Variants in TOX4 observed in about 807,000 individuals in gnomAD.
TOX4 encodes the protein TOX high mobility group box family member 4.
In TOX4, 12 loss-of-function variants were observed where a neutral mutation model predicts 61.0. The observed-to-expected ratio is 0.20, with a 90% CI of 0.13 to 0.32. The LOEUF is 0.32. TOX4 is among the 10% of genes least tolerant of loss of function. The pLI is 1.00. For synonymous variants in TOX4, 268 were observed against 274.8 expected, an observed-to-expected ratio of 0.98 and a Z score of 0.24; for missense variants, 499 against 753.3, an observed-to-expected ratio of 0.66 and a Z score of 3.95.
Position 21,495,274 on chromosome 14 carries a change from C to T in TOX4, c.1687C>T (p.Pro563Ser). Residue 563 changes from proline (P) to serine (S), a missense_variant, in exon 8 of 9, where the codon CCT (proline) becomes TCT (serine). Physicochemically the swap from Pro to Ser is moderately conservative, Grantham distance 74. Coordinates refer to ENST00000448790, the MANE Select transcript of TOX4 (RefSeq NM_014828.4). ...GGATGTTGAATTGGTGAGTGGGTCT[C>T]CTGTGGCACTCTCACCCCAGCCTCG... ...QMDVELVSGS[P>S]VALSPQPRCV... 1.9e-6 allele frequency: 3 copies of T among 1,614,118 alleles called. No individual in the cohort carries two copies.
rs1891317966 is a variant in TOX4, at chr14:21,492,693, T to C, written c.1077T>C (p.Ala359=). ...SYVANQASSG[A]GGQPNITKLI... is the part of the protein sequence containing the mutation. ...TGGCAAACCAGGCATCTTCTGGAGCTGGGGGTCAGCCCAATATCACCAAGT... is the reference window on the plus strand; with the variant it reads ...TGGCAAACCAGGCATCTTCTGGAGCCGGGGGTCAGCCCAATATCACCAAGT... Residue 359 remains alanine (A), a synonymous_variant, in exon 7 of 9, where the codon GCT becomes GCC. Coordinates refer to ENST00000448790, the MANE Select transcript of TOX4 (RefSeq NM_014828.4). The C allele has an allele frequency of 1.2e-6, 2 of 1,614,028 alleles. No individual in the cohort carries two copies. The highest frequency in any genetic ancestry group is 2.2e-5 in the South Asian group (2 of 91,086).
intron 7 of TOX4, 113 bp downstream of exon 7, chr14:21,493,370 A>G: frequency 2.5e-6 from 3 of 1,213,470 alleles, no homozygotes; most frequent in Non-Finnish European, 3.4e-6. Flanking sequence ...AACCAGGAGC[A>G]CAAAACATCC....
Position 21,497,984 on chromosome 14 carries a change from A to G in TOX4, c.*1378A>G, listed in dbSNP as rs1039474303. ...AGGTGTGAGCCACTGTGCCTAGCCT[A>G]TAATGATCATTTTAATGTTTCCCAT... is the stretch of plus-strand genomic sequence containing the variant. On this transcript the variant is annotated 3_prime_UTR_variant, in exon 9 of 9. Transcript: ENST00000448790. 18 of 383,128 alleles carry G rather than the reference A, an allele frequency of 4.7e-5. No homozygotes were observed. Among genetic ancestry groups the G allele is most frequent in the Non-Finnish European group, 7.2e-5 (15 of 208,144 alleles). 23.7% of individuals were successfully genotyped at this position (383,128 alleles called of 1,614,324 possible).
At chr14:21,477,961 G>C (rs1891031813) in intron 2 of TOX4, among the ~76,000 whole-genome samples, 1 of 152,224 alleles carries the variant, frequency 6.6e-6, no homozygotes, top group African/African-American at 2.4e-5. Flanking sequence ...TTTTGAGACA[G>C]AGTCTCGCTT....
chr14:21,489,114 T>C, intron 4 of TOX4, 59 bp from the exon 5 acceptor site: 1 of 1,543,278 alleles, frequency 6.5e-7, no homozygotes, highest in South Asian at 1.2e-5. Flanking sequence ...GTGGCTAGTT[T>C]CCAGACATAA....
intron 3 of TOX4, 123 bp from the exon 4 acceptor site, chr14:21,488,465 TTA>T: frequency 2.2e-6 from 2 of 923,540 alleles, no homozygotes; most frequent in Non-Finnish European, 1.6e-6. Flanking sequence ...GAAGACTATT[TTA>T]TGTTTTGTAT....
chr14:21,487,593 T>C lies in TOX4; in HGVS notation c.218T>C (p.Phe73Ser). Reference protein sequence around the residue: ...ADPSSSQDGSFSAQYGVQTLD... With the variant: ...ADPSSSQDGSSSAQYGVQTLD... ...CCTTCCTCTTCACAGGATGGCAGTT[T>C]TTCAGCCCAGTATGGGGTCCAGACA... The change falls in exon 3 of 9, where the codon TTT (phenylalanine) becomes TCT (serine). Residue 73 changes from phenylalanine to serine, a missense_variant. Phe to Ser is a radical substitution (Grantham distance 155). Coordinates refer to ENST00000448790, the MANE Select transcript of TOX4 (RefSeq NM_014828.4). The C allele has an allele frequency of 6.2e-7, 1 of 1,614,150 alleles. No homozygotes were observed. The highest frequency in any genetic ancestry group is 2.2e-5 in the East Asian group (1 of 44,878).
intron 5 of TOX4, 74 bp downstream of exon 5, chr14:21,489,477 T>C: frequency 7.7e-7 from 1 of 1,292,098 alleles, no homozygotes; most frequent in Non-Finnish European, 1.1e-6. Context: ...GGTTTTCTTT[T>C]TTCTTACATG....
At chr14:21,477,633 A>C in intron 2 of TOX4, 69 bp downstream of exon 2, 2 of 1,554,318 alleles carry the variant, frequency 1.3e-6, no homozygotes, top group Non-Finnish European at 1.8e-6. Flanking sequence ...AGTGGGGAGG[A>C]GAGCACGGAC....
In TOX4 at chr14:21,489,149, TTC is replaced by T. The variant is rs763268670; in HGVS notation, c.580-18_580-17del. ...ATACTTGTCATTGTCCATTGTGTAATTCTCTCTTTTTTCTCTCCTACAGCAAC... is the reference window on the plus strand; with the variant it reads ...ATACTTGTCATTGTCCATTGTGTAATTCTCTTTTTTCTCTCCTACAGCAAC... On this transcript the variant is annotated intron_variant, in intron 4 of 8. Coordinates refer to ENST00000448790, the MANE Select transcript of TOX4 (RefSeq NM_014828.4). 87 of 1,606,298 alleles carry T rather than the reference TTC, an allele frequency of 5.4e-5. No individual in the cohort carries two copies. In the Admixed American group the frequency reaches 6.5e-4, roughly 12 times the overall value.
chr14:21,492,894 AGCAGCAGCTGCT>A lies in TOX4; in HGVS notation c.1281_1292del (p.Ala431_Ala434del). 1.2e-6 allele frequency: 2 copies of A among 1,605,780 alleles called. No individual in the cohort carries two copies. The highest frequency in any genetic ancestry group is 1.7e-6 in the Non-Finnish European group (2 of 1,177,970). Reference sequence around the variant, plus strand: ...TTGTCACTCGGTCAGTGTTGCAGGCAGCAGCAGCTGCTGCTGCTGCTGCTTCTATGCAACTGC... The same window carrying A: ...TTGTCACTCGGTCAGTGTTGCAGGCAGCTGCTGCTGCTTCTATGCAACTGC... On this transcript the variant is annotated inframe_deletion, in exon 7 of 9. Transcript: ENST00000448790.
Position 21,497,739 on chromosome 14 carries a change from G to C in TOX4, c.*1133G>C, listed in dbSNP as rs907247598. 2 of 152,274 alleles carry C rather than the reference G, an allele frequency of 1.3e-5. No homozygotes were observed. Among genetic ancestry groups the C allele is most frequent in the African/African-American group, 4.8e-5 (2 of 41,382 alleles). The allele number at this position is 152,274 out of a possible 1,614,324, so 9.4% of individuals were successfully genotyped here. ...AGACAGGGTTTCACCATGTTGGCCA[G>C]GCTGGTCTCGAACTCCTGACCTCAT... On this transcript the variant is annotated 3_prime_UTR_variant, in exon 9 of 9. Transcript: ENST00000448790.
At chr14:21,491,784 GGCGGATCACAAGGTCA>G (rs1891295941) in intron 5 of TOX4, among the ~76,000 whole-genome samples, 1 of 151,494 alleles carries the variant, frequency 6.6e-6, no homozygotes, top group Non-Finnish European at 1.5e-5. Flanking sequence ...GGCAGAGGCA[GGCGGATCACAAGGTCA>G]GGAGATCGAG....
intron 8 of TOX4, 87 bp downstream of exon 8, chr14:21,495,479 T>G: frequency 1.3e-6 from 2 of 1,487,848 alleles, no homozygotes; most frequent in Non-Finnish European, 1.8e-6. Context: ...AATCAGCATC[T>G]CAGTGTCACC....
rs764547089 is a variant in TOX4, at chr14:21,498,344, C to T, written c.*1738C>T. Reference sequence around the variant, plus strand: ...ACATCTGGGTCTAGTAGGTGGATCCCATCCAGTTGGTTTCCAAGGGTGATC... The same window carrying T: ...ACATCTGGGTCTAGTAGGTGGATCCTATCCAGTTGGTTTCCAAGGGTGATC... On this transcript the variant is annotated 3_prime_UTR_variant, in exon 9 of 9. Transcript: ENST00000448790. 6 of 1,614,140 alleles carry T rather than the reference C, an allele frequency of 3.7e-6. No homozygotes were observed. In the Admixed American group the frequency reaches 8.3e-5, roughly 22 times the overall value.
chr14:21,481,187 C>CT (rs911524079), intron 2 of TOX4, among the ~76,000 whole-genome samples: 93 of 151,718 alleles, frequency 6.1e-4, no homozygotes, highest in African/African-American at 2.0e-3. Flanking sequence ...ATGTGGATAA[C>CT]TTTTTTTTTG....
chr14:21,495,152 C>A, intron 7 of TOX4, 77 bp from the exon 8 acceptor site: 1 of 1,523,832 alleles, frequency 6.6e-7, no homozygotes, highest in African/African-American at 1.4e-5. Flanking sequence ...TCATTGGTTT[C>A]TACAGATAAT....
chr14:21,482,550 A>G (rs1260495892), intron 2 of TOX4: 1 of 468,826 alleles, frequency 2.1e-6, no homozygotes, highest in Admixed American at 2.4e-5. Context: ...TTCCCAAACC[A>G]GCCCCTCCTT....
chr14:21,482,696 A>G (rs981745054), intron 2 of TOX4: 1 of 420,100 alleles, frequency 2.4e-6, no homozygotes, highest in Non-Finnish European at 4.8e-6. Context: ...GTTTTGTTTT[A>G]TATTTAACAG....
Sources: allele counts gnomAD v4.1 joint callset (sites outside exome capture counted in the v4.1 genomes callset), GRCh38; gene constraint gnomAD v4.1.1; transcripts MANE v1.5; gene names NCBI Gene and HGNC (gene_info 2026-07-23, HGNC 2026-07-21).